PSD3: variants seen among roughly 807,000 people sequenced by gnomAD.
PSD3 encodes the protein pleckstrin and Sec7 domain containing 3, also known as PH and SEC7 domain-containing protein 3.
In PSD3, 49 loss-of-function variants were observed where a neutral mutation model predicts 105.5. That is an observed-to-expected ratio of 0.46 (90% CI 0.37 to 0.59). The LOEUF is 0.59. PSD3 is among the 20% of genes least tolerant of loss of function. PSD3 has a pLI of 0.00. For missense variants in PSD3, 1,561 were observed against 1,263.8 expected (o/e 1.24, Z -3.57); for synonymous variants, 557 against 457.8 (o/e 1.22, Z -2.77).
intron 9 of PSD3, among the ~76,000 whole-genome samples, chr8:18,753,282 A>G (rs1265501419): frequency 1.3e-5 from 2 of 151,628 alleles, no homozygotes; most frequent in Non-Finnish European, 2.9e-5. Flanking sequence ...CGAACCCAGG[A>G]GGTGGAAGTT....
upstream of PSD3, among the ~76,000 whole-genome samples, chr8:19,016,749 G>A (rs894434756): frequency 1.3e-5 from 2 of 152,228 alleles, no homozygotes; most frequent in Non-Finnish European, 2.9e-5. Context: ...AAGTCCAAGA[G>A]CACAGCAACA....
intron 9 of PSD3, among the ~76,000 whole-genome samples, chr8:18,744,442 C>A (rs1329423492): frequency 6.6e-6 from 1 of 152,210 alleles, no homozygotes; most frequent in African/African-American, 2.4e-5. Flanking sequence ...TTTTTAACAA[C>A]TGTATTAATT....
intron 10 of PSD3, among the ~76,000 whole-genome samples, chr8:18,649,339 G>A (rs1808299422): frequency 1.3e-5 from 2 of 152,226 alleles, no homozygotes; most frequent in African/African-American, 2.4e-5. Flanking sequence ...GTCAAAGCAG[G>A]TTATTATTGG....
chr8:18,975,400 G>GT, intron 1 of PSD3, among the ~76,000 whole-genome samples: 2 of 151,320 alleles, frequency 1.3e-5, no homozygotes, highest in South Asian at 4.2e-4. Context: ...TGGCTCAGGA[G>GT]TAGAAGGCTA....
At chr8:18,791,149 T>A (rs1439283624) in intron 8 of PSD3, among the ~76,000 whole-genome samples, 1 of 152,158 alleles carries the variant, frequency 6.6e-6, no homozygotes, top group African/African-American at 2.4e-5. Flanking sequence ...ATGGCCATAC[T>A]ATCCAAAGCA....
intron 1 of PSD3, among the ~76,000 whole-genome samples, chr8:19,074,065 C>T (rs1162571743): frequency 6.6e-6 from 1 of 152,146 alleles, no homozygotes; most frequent in East Asian, 1.9e-4. Flanking sequence ...GCCGAGATTA[C>T]AGGCCCGAGC....
chr8:19,046,335 C>T (rs1031195855), intron 1 of PSD3, among the ~76,000 whole-genome samples: 2 of 152,302 alleles, frequency 1.3e-5, no homozygotes, highest in African/African-American at 2.4e-5. Context: ...TAGTCTCGAA[C>T]TCCTGACCTC....
At chr8:18,628,063 A>G (rs902726406) in intron 11 of PSD3, among the ~76,000 whole-genome samples, 10 of 151,994 alleles carry the variant, frequency 6.6e-5, no homozygotes, top group Admixed American at 5.3e-4. Context: ...GAAGAATAAA[A>G]ACTATCAAAT....
At chr8:19,011,540 AT>A (rs1270933935) in intron 1 of PSD3, among the ~76,000 whole-genome samples, 1 of 152,142 alleles carries the variant, frequency 6.6e-6, no homozygotes, top group Non-Finnish European at 1.5e-5. Flanking sequence ...ATCTTACTTT[AT>A]TTTTTTATTT....
At chr8:18,829,007 G>A (rs944325515) in intron 4 of PSD3, among the ~76,000 whole-genome samples, 2 of 152,164 alleles carry the variant, frequency 1.3e-5, no homozygotes, top group Admixed American at 1.3e-4. Flanking sequence ...GGGAGGCAGA[G>A]ATTGCAGTGA....
intron 15 of PSD3, among the ~76,000 whole-genome samples, chr8:18,537,682 CTT>C (rs34193973): frequency 4.1e-4 from 61 of 148,006 alleles, no homozygotes; most frequent in Admixed American, 4.7e-4. Context: ...GCCTCTCATT[CTT>C]TTTTTTTTTT....
chr8:18,675,905 A>T (rs992264211), intron 9 of PSD3, among the ~76,000 whole-genome samples: 2 of 152,086 alleles, frequency 1.3e-5, no homozygotes, highest in African/African-American at 4.8e-5. Context: ...CTCCTATTAG[A>T]CTCTAAGCTG....
intron 1 of PSD3, among the ~76,000 whole-genome samples, chr8:18,992,093 G>A (rs769280066): frequency 1.3e-5 from 2 of 151,998 alleles, no homozygotes; most frequent in Non-Finnish European, 2.9e-5. Context: ...ACCAGTCTAT[G>A]GTAGAACATT....
intron 8 of PSD3, among the ~76,000 whole-genome samples, chr8:18,793,396 G>A (rs1422063228): frequency 6.7e-6 from 1 of 149,542 alleles, no homozygotes; most frequent in Non-Finnish European, 1.5e-5. Context: ...AACAAAACTG[G>A]GTGACGAGAT....
At chr8:18,702,878 C>G (rs1801672663) in intron 9 of PSD3, among the ~76,000 whole-genome samples, 1 of 152,092 alleles carries the variant, frequency 6.6e-6, no homozygotes, top group African/African-American at 2.4e-5. Context: ...TCCCAAAGTG[C>G]TGGGATTACA....
intron 1 of PSD3, among the ~76,000 whole-genome samples, chr8:19,041,278 G>A (rs1267872729): frequency 6.6e-6 from 1 of 152,160 alleles, no homozygotes; most frequent in Non-Finnish European, 1.5e-5. Context: ...ACTGCGAAAT[G>A]CATTAACTCA....
chr8:18,632,742 G>T lies in PSD3; in HGVS notation c.2281C>A (p.Pro761Thr). 1 of 1,607,300 alleles carries T rather than the reference G, an allele frequency of 6.2e-7. No individual in the cohort carries two copies. The highest frequency in any genetic ancestry group is 1.7e-5 in the Admixed American group (1 of 59,808). Reference sequence around the variant, plus strand: ...CTTCCAATACGACTGATGGTCTTTGGATGTGTTCCGTTAGCTTTCTCCTCA... The same window carrying T: ...CTTCCAATACGACTGATGGTCTTTGTATGTGTTCCGTTAGCTTTCTCCTCA... ...STEEKANGTHPKTISRIGSTT... is the reference protein window; with the variant it reads ...STEEKANGTHTKTISRIGSTT... Residue 761 changes from proline to threonine, a missense_variant, in exon 11 of 16, where the codon CCA (proline) becomes ACA (threonine). Transcript: ENST00000327040.
At chr8:19,026,956 C>T (rs957407915) in intron 1 of PSD3, among the ~76,000 whole-genome samples, 1 of 152,030 alleles carries the variant, frequency 6.6e-6, no homozygotes, top group African/African-American at 2.4e-5. Context: ...ATTCTCTCTT[C>T]TTATTTTGGG....
chr8:18,550,501 A>G (rs1563312622), intron 15 of PSD3, among the ~76,000 whole-genome samples: 1 of 152,176 alleles, frequency 6.6e-6, no homozygotes, highest in Non-Finnish European at 1.5e-5. Flanking sequence ...TCCCAGATAA[A>G]CCCATTCTAA....
Sources: gnomAD v4.1 joint callset for allele counts (sites outside exome capture counted in the v4.1 genomes callset) on GRCh38, gnomAD v4.1.1 for gene constraint, MANE v1.5 for transcripts, NCBI Gene and HGNC (gene_info 2026-07-23, HGNC 2026-07-21) for gene names.